Variants in KIF6 observed in about 807,000 individuals in gnomAD.
KIF6 encodes kinesin family member 6, also known as kinesin-like protein KIF6.
Under a neutral mutation model 112.7 loss-of-function variants are expected in KIF6, and 106 were observed. That is an observed-to-expected ratio of 0.94 (90% CI 0.80 to 1.11). The LOEUF is 1.11. Among genes scored for constraint, KIF6 ranks in the 50% least tolerant of loss-of-function variants. The probability of loss-of-function intolerance (pLI) is 0.00; values close to 1 mark genes in which losing one functional copy is unlikely to be tolerated. For missense variants in KIF6, 929 were observed against 964.0 expected (o/e 0.96, Z 0.48); for synonymous variants, 339 against 339.9 (o/e 1.00, Z 0.03).
intron 4 of KIF6, among the ~76,000 whole-genome samples, chr6:39,636,869 C>T (rs1265697433): frequency 6.6e-6 from 1 of 151,982 alleles, no homozygotes; most frequent in Non-Finnish European, 1.5e-5. Context: ...CCATTTATAA[C>T]AGAATAATCC....
chr6:39,384,682 C>T (rs576290057), intron 16 of KIF6, among the ~76,000 whole-genome samples: 9 of 152,342 alleles, frequency 5.9e-5, no homozygotes, highest in South Asian at 2.1e-4. Context: ...TCTATTTCCC[C>T]ACCATTGGCC....
At chr6:39,507,732 C>T (rs1242006627) in intron 13 of KIF6, among the ~76,000 whole-genome samples, 1 of 148,030 alleles carries the variant, frequency 6.8e-6, no homozygotes, top group Non-Finnish European at 1.5e-5. Context: ...CCCTTCCTTC[C>T]CTCCTTCCTT....
intron 3 of KIF6, among the ~76,000 whole-genome samples, chr6:39,643,060 G>A (rs1432054670): frequency 1.3e-5 from 2 of 152,036 alleles, no homozygotes; most frequent in African/African-American, 4.8e-5. Context: ...TGTTTATCTT[G>A]GAATGTCTTA....
chr6:39,500,585 C>T (rs1159105680), intron 13 of KIF6, among the ~76,000 whole-genome samples: 2 of 152,190 alleles, frequency 1.3e-5, no homozygotes, highest in African/African-American at 4.8e-5. Flanking sequence ...AGGCAAGTTG[C>T]TTAACCTTTC....
At chr6:39,683,152 C>CA (rs1787638305) in intron 3 of KIF6, among the ~76,000 whole-genome samples, 1 of 152,128 alleles carries the variant, frequency 6.6e-6, no homozygotes, top group Non-Finnish European at 1.5e-5. Flanking sequence ...TTTGAGAGAG[C>CA]CTTTATAGCA....
At chr6:39,433,594 GTTCT>G (rs1771312286) in intron 13 of KIF6, among the ~76,000 whole-genome samples, 1 of 152,216 alleles carries the variant, frequency 6.6e-6, no homozygotes, top group African/African-American at 2.4e-5. Flanking sequence ...TGGAGTTGGA[GTTCT>G]TTGATTGTGG....
intron 13 of KIF6, among the ~76,000 whole-genome samples, chr6:39,525,059 C>A (rs576489383): frequency 1.3e-5 from 2 of 152,320 alleles, no homozygotes; most frequent in Admixed American, 6.5e-5. Context: ...CTGTTGCCTA[C>A]AAGTAAATCA....
intron 3 of KIF6, among the ~76,000 whole-genome samples, chr6:39,673,434 T>C (rs1786955892): frequency 6.6e-6 from 1 of 152,184 alleles, no homozygotes; most frequent in African/African-American, 2.4e-5. Flanking sequence ...AGCATACATA[T>C]GTAAATAATT....
intron 13 of KIF6, among the ~76,000 whole-genome samples, chr6:39,463,228 C>A (rs1773582674): frequency 6.6e-6 from 1 of 152,266 alleles, no homozygotes; most frequent in Middle Eastern, 3.4e-3. Flanking sequence ...TAAGCTCCCC[C>A]ATTTTCTCTC....
At chr6:39,465,272 G>A (rs1157765085) in intron 13 of KIF6, among the ~76,000 whole-genome samples, 1 of 152,236 alleles carries the variant, frequency 6.6e-6, no homozygotes, top group Non-Finnish European at 1.5e-5. Flanking sequence ...AGCATGGCAA[G>A]ATGCATCTTT....
chr6:39,518,497 A>G (rs865818002), intron 13 of KIF6, among the ~76,000 whole-genome samples: 2 of 152,264 alleles, frequency 1.3e-5, no homozygotes, highest in African/African-American at 4.8e-5. Flanking sequence ...TGAGAGTTTT[A>G]CTTTAATATG....
intron 10 of KIF6, among the ~76,000 whole-genome samples, chr6:39,558,887 A>G (rs1240299356): frequency 6.6e-6 from 1 of 152,198 alleles, no homozygotes; most frequent in African/African-American, 2.4e-5. Context: ...AATAATCATT[A>G]AAATACAGAA....
chr6:39,658,810 T>G (rs188959291), intron 3 of KIF6, among the ~76,000 whole-genome samples: 4 of 152,352 alleles, frequency 2.6e-5, no homozygotes, highest in Middle Eastern at 3.4e-3. Context: ...CAGGGGGCAG[T>G]TAGCCAACAT....
chr6:39,370,485 T>G (rs758170312), intron 16 of KIF6, among the ~76,000 whole-genome samples: 1 of 152,212 alleles, frequency 6.6e-6, no homozygotes, highest in African/African-American at 2.4e-5. Flanking sequence ...CTAGCCAATT[T>G]GTAAATTAAT....
In KIF6 at chr6:39,626,186, CACTT is replaced by C. The variant is rs1784085174; in HGVS notation, c.509+8659_509+8662del. The stretch of plus-strand genomic sequence containing the variant: ...CCCCACAGAATCCAGGGCATCTTGT[CACTT>C]ACTATGCACAACTGAAATGATCAGT... On this transcript the variant is annotated intron_variant, in intron 5 of 22. Transcript: ENST00000287152. 2.0e-5 allele frequency among the ~76,000 whole-genome samples: 3 copies of C among 152,184 alleles called. No homozygotes were observed. In the South Asian group the frequency reaches 6.2e-4, roughly 31 times the overall value.
chr6:39,337,172 C>CTTCTTTCTTTCTTTCTTTCCTTCT (rs1763016222), intron 22 of KIF6, among the ~76,000 whole-genome samples: 32 of 59,498 alleles, frequency 5.4e-4, no homozygotes, highest in African/African-American at 2.9e-3. Context: ...TCTTTCCTTC[C>CTTCTTTCTTTCTTTCTTTCCTTCT]TTCTTTCTTT....
intron 13 of KIF6, among the ~76,000 whole-genome samples, chr6:39,495,576 G>A (rs544416535): frequency 3.3e-5 from 5 of 152,256 alleles, no homozygotes; most frequent in African/African-American, 9.6e-5. Flanking sequence ...GAAGGTTAAA[G>A]GTTTTACGCA....
chr6:39,661,740 C>A (rs549106875), intron 3 of KIF6, among the ~76,000 whole-genome samples: 6 of 152,228 alleles, frequency 3.9e-5, no homozygotes, highest in African/African-American at 1.4e-4. Context: ...AAAATAAAGG[C>A]CCTTTCCGTG....
chr6:39,595,594 G>C lies in KIF6; in HGVS notation c.846+460C>G, dbSNP rs545729446. 1.3e-5 allele frequency among the ~76,000 whole-genome samples: 2 copies of C among 152,198 alleles called. 1 individual carries two copies. Among genetic ancestry groups the C allele is most frequent in the South Asian group, 4.1e-4 (2 of 4,830 alleles). ...GATGAATGTATAAACAGCATGTGAC[G>C]CAGACATACAATTGGATATTGTTCA... On this transcript the variant is annotated intron_variant, in intron 7 of 22. Transcript: ENST00000287152.
Sources: allele counts gnomAD v4.1 joint callset (sites outside exome capture counted in the v4.1 genomes callset), GRCh38; gene constraint gnomAD v4.1.1; transcripts MANE v1.5; gene names NCBI Gene and HGNC (gene_info 2026-07-23, HGNC 2026-07-21).